CHODL: variants seen among roughly 807,000 people sequenced by gnomAD.
The protein encoded by CHODL is transmembrane protein MT75.
A neutral mutation model predicts 34.5 loss-of-function variants in CHODL; 29 were observed. The observed-to-expected ratio is 0.84, with a 90% confidence interval of 0.63 to 1.15. CHODL has a LOEUF of 1.15. Among genes scored for constraint, CHODL ranks in the 50% most tolerant of loss-of-function variants. The pLI is 0.00. For synonymous variants in CHODL, 125 were observed against 116.1 expected (o/e 1.08, Z -0.49); for missense variants, 332 against 332.5 (o/e 1.00, Z 0.01).
intron 1 of CHODL, among the ~76,000 whole-genome samples, chr21:17,943,658 G>A (rs184792728): frequency 9.2e-5 from 14 of 152,278 alleles, no homozygotes; most frequent in Admixed American, 1.3e-4. Context: ...AGACACCAGC[G>A]TGCTATGTAG....
intron 2 of CHODL, among the ~76,000 whole-genome samples, chr21:18,217,852 A>G (rs1203442911): frequency 6.6e-6 from 1 of 152,204 alleles, no homozygotes; most frequent in Non-Finnish European, 1.5e-5. Flanking sequence ...CAAAGGGGCT[A>G]CAGACCCCAT....
At chr21:18,243,133 G>A (rs1049464304), upstream of CHODL, among the ~76,000 whole-genome samples, 1 of 152,182 alleles carries the variant, frequency 6.6e-6, no homozygotes, top group East Asian at 1.9e-4. Flanking sequence ...CTGCAAATAT[G>A]CCTCCAAATG....
rs2072789233 is a variant in CHODL at position 18,140,625 on chromosome 21, G to A, written c.-45+112654G>A. Among the ~76,000 whole-genome samples, 7 of 151,908 alleles carry A rather than the reference G, an allele frequency of 4.6e-5. 1 individual carries two copies. The highest frequency in any genetic ancestry group is 4.6e-4 in the Admixed American group (7 of 15,250). ...GAAAAGTCCCAGGTACCAGAAAGCT[G>A]GAAAAAAATAGAGCCAGAAAATGGG... On this transcript the variant is annotated intron_variant, in intron 2 of 6. Transcript: ENST00000400127.
At chr21:18,167,237 G>C (rs2073168126) in intron 2 of CHODL, among the ~76,000 whole-genome samples, 2 of 150,550 alleles carry the variant, frequency 1.3e-5, no homozygotes, top group South Asian at 4.2e-4. Flanking sequence ...GTGTGTGTGT[G>C]TGTGTGTGTG....
intron 2 of CHODL, among the ~76,000 whole-genome samples, chr21:18,182,778 AT>A (rs1379444778): frequency 6.6e-6 from 1 of 152,138 alleles, no homozygotes; most frequent in Non-Finnish European, 1.5e-5. Context: ...CTTTATTCTT[AT>A]TTTTTAAAAA....
At chr21:18,027,664 A>T (rs2146433813) in intron 1 of CHODL, among the ~76,000 whole-genome samples, 1 of 152,240 alleles carries the variant, frequency 6.6e-6, no homozygotes, top group East Asian at 1.9e-4. Context: ...TGACCCCCAG[A>T]GTGATTTCAG....
intron 2 of CHODL, among the ~76,000 whole-genome samples, chr21:18,072,074 T>G (rs529817032): frequency 6.6e-6 from 1 of 152,204 alleles, no homozygotes; most frequent in South Asian, 2.1e-4. Context: ...ATTCTAAAAC[T>G]ATTAATAGTA....
chr21:18,066,054 AT>A (rs1348469414), intron 2 of CHODL, among the ~76,000 whole-genome samples: 1 of 152,140 alleles, frequency 6.6e-6, no homozygotes, highest in Non-Finnish European at 1.5e-5. Flanking sequence ...ATTATGGAGG[AT>A]TTTGGTACTG....
chr21:18,209,854 A>C (rs1407988331), intron 2 of CHODL, among the ~76,000 whole-genome samples: 1 of 151,802 alleles, frequency 6.6e-6, no homozygotes, highest in Non-Finnish European at 1.5e-5. Context: ...AGGACTTAGG[A>C]CTCTGCCTGG....
intron 1 of CHODL, among the ~76,000 whole-genome samples, chr21:17,994,612 G>A (rs182315012): frequency 1.3e-5 from 2 of 152,290 alleles, no homozygotes; most frequent in East Asian, 3.9e-4. Context: ...TGGAGGTTGT[G>A]TGTGTATGCA....
chr21:18,121,388 G>A (rs1040372914), intron 2 of CHODL, among the ~76,000 whole-genome samples: 10 of 152,206 alleles, frequency 6.6e-5, no homozygotes, highest in Non-Finnish European at 1.2e-4. Context: ...GGTTGGACAA[G>A]CATGTTTTAG....
intron 1 of CHODL, among the ~76,000 whole-genome samples, chr21:18,002,852 T>G (rs942758913): frequency 2.6e-5 from 4 of 152,000 alleles, no homozygotes; most frequent in Non-Finnish European, 5.9e-5. Context: ...GGCCGGGCGC[T>G]GTGGCTCACG....
intron 2 of CHODL, among the ~76,000 whole-genome samples, chr21:18,216,333 GA>G (rs1465280874): frequency 6.6e-6 from 1 of 152,028 alleles, no homozygotes; most frequent in African/African-American, 2.4e-5. Flanking sequence ...ATAAATTTTT[GA>G]TAACTATAGT....
At chr21:17,981,846 G>C (rs958017135) in intron 1 of CHODL, among the ~76,000 whole-genome samples, 1 of 151,988 alleles carries the variant, frequency 6.6e-6, no homozygotes, top group African/African-American at 2.4e-5. Context: ...CACATAATGG[G>C]CCTATTAAAT....
chr21:18,025,973 C>G (rs961936194), intron 1 of CHODL, among the ~76,000 whole-genome samples: 7 of 152,128 alleles, frequency 4.6e-5, no homozygotes, highest in African/African-American at 1.7e-4. Context: ...TTCTGACATA[C>G]TGGGGATTGG....
chr21:18,208,169 TTC>T (rs200018605), intron 2 of CHODL, among the ~76,000 whole-genome samples: 7 of 115,326 alleles, frequency 6.1e-5, no homozygotes, highest in African/African-American at 2.8e-4. Context: ...ATTCTTCTTC[TTC>T]TTTTTTTTTT....
At chr21:17,962,883 G>A (rs976510456) in intron 1 of CHODL, among the ~76,000 whole-genome samples, 1 of 151,912 alleles carries the variant, frequency 6.6e-6, no homozygotes, top group Non-Finnish European at 1.5e-5. Flanking sequence ...CTAACACGGT[G>A]AAAACCTGTC....
intron 2 of CHODL, among the ~76,000 whole-genome samples, chr21:18,077,631 A>G (rs530454731): frequency 3.3e-5 from 5 of 152,310 alleles, no homozygotes; most frequent in African/African-American, 1.2e-4. Context: ...CCCTTACAAT[A>G]GAGACTCCAG....
At chr21:18,218,577 A>C (rs1170265735) in intron 2 of CHODL, among the ~76,000 whole-genome samples, 1 of 152,196 alleles carries the variant, frequency 6.6e-6, no homozygotes, top group Non-Finnish European at 1.5e-5. Flanking sequence ...CTTGGTGATT[A>C]ACATTGGGCT....
Sources: gnomAD v4.1 joint callset for allele counts (sites outside exome capture counted in the v4.1 genomes callset) on GRCh38, gnomAD v4.1.1 for gene constraint, MANE v1.5 for transcripts, NCBI Gene and HGNC (gene_info 2026-07-23, HGNC 2026-07-21) for gene names.